Variants in EFHB observed in about 807,000 individuals in gnomAD.
The protein encoded by EFHB is EF-hand domain-containing family member B.
Under a neutral mutation model 87.2 loss-of-function variants are expected in EFHB, and 91 were observed. The ratio of observed to expected loss-of-function variants is 1.04; its 90% CI spans 0.88 to 1.24. EFHB has a LOEUF of 1.24. EFHB is among the 50% of genes most tolerant of loss of function. EFHB has a pLI of 0.00. For synonymous variants in EFHB, 325 were observed against 333.6 expected, an observed-to-expected ratio of 0.97 and a Z score of 0.28; for missense variants, 1,084 against 998.8, an observed-to-expected ratio of 1.09 and a Z score of -1.15.
At position 19,884,449 on chromosome 3, in the gene EFHB, TG is replaced by T. The variant is rs2071762445; in HGVS notation, c.2099del (p.Thr700LysfsTer10). The T allele has an allele frequency of 1.2e-6, 2 of 1,613,920 alleles. No homozygotes were observed. The highest frequency in any genetic ancestry group is 1.7e-6 in the Non-Finnish European group (2 of 1,179,870). ...PSDKVSNYYK[T>X]TSSEINAIVG... is the part of the protein sequence containing the mutation. ...CAATTGCATTGATCTCAGAAGAAGT[TG>T]TCTTATAGTAGTTGGAAACTTTATC... On this transcript the variant is annotated frameshift_variant, in exon 11 of 13. Transcript: ENST00000295824. LOFTEE classifies it high-confidence loss of function.
At chr3:19,925,139 G>A (rs1248248040) in intron 1 of EFHB, among the ~76,000 whole-genome samples, 1 of 151,858 alleles carries the variant, frequency 6.6e-6, no homozygotes, top group Non-Finnish European at 1.5e-5. Flanking sequence ...CTACCCGGGA[G>A]GCTGAGGCAG....
intron 1 of EFHB, among the ~76,000 whole-genome samples, chr3:19,946,625 T>C (rs1696289415): frequency 2.0e-5 from 3 of 152,072 alleles, no homozygotes; most frequent in African/African-American, 4.8e-5. Context: ...GTAAATGCGA[T>C]TTAGCAGCCT....
intron 5 of EFHB, among the ~76,000 whole-genome samples, chr3:19,910,202 C>A (rs143984724): frequency 7.2e-5 from 11 of 152,114 alleles, no homozygotes; most frequent in Non-Finnish European, 1.2e-4. Context: ...ATTTCTAGAC[C>A]TGCTCTGGGC....
chr3:19,935,035 C>T (rs1052374912), upstream of EFHB, among the ~76,000 whole-genome samples: 2 of 152,056 alleles, frequency 1.3e-5, no homozygotes, highest in Non-Finnish European at 2.9e-5. Flanking sequence ...CTCAGCCTTC[C>T]GGGTAGCTGG....
At chr3:19,939,370 C>CTTTTTTTTTTTTTTTTT (rs147510880) in intron 1 of EFHB, among the ~76,000 whole-genome samples, 1 of 64,582 alleles carries the variant, frequency 1.5e-5, no homozygotes, top group African/African-American at 6.3e-5. Flanking sequence ...GTTGGGTCTC[C>CTTTTTTTTTTTTTTTTT]TTTTTTTTTT....
At chr3:19,940,611 C>G in intron 1 of EFHB, 1 of 468,798 alleles carries the variant, frequency 2.1e-6, no homozygotes, top group Non-Finnish European at 4.3e-6. Context: ...CAGCTTTGTA[C>G]TATTCAGCCT....
At chr3:19,920,378 C>A in intron 2 of EFHB, 127 bp downstream of exon 2, 2 of 780,124 alleles carry the variant, frequency 2.6e-6, no homozygotes, top group South Asian at 1.8e-5. Flanking sequence ...CCTCAAAATA[C>A]AGCAAAGAAT....
chr3:19,881,041 G>A (rs144476159), intron 12 of EFHB, among the ~76,000 whole-genome samples: 19 of 152,292 alleles, frequency 1.2e-4, no homozygotes, highest in Admixed American at 3.9e-4. Flanking sequence ...GTACCCTTGT[G>A]GGAAATTAGT....
intron 5 of EFHB, among the ~76,000 whole-genome samples, chr3:19,907,866 T>C (rs1461578592): frequency 6.6e-6 from 1 of 152,176 alleles, no homozygotes; most frequent in African/African-American, 2.4e-5. Flanking sequence ...GAAATTATAA[T>C]TGTCTCTTAG....
At chr3:19,920,812 A>G (rs191856968) in intron 1 of EFHB, among the ~76,000 whole-genome samples, 45 of 152,356 alleles carry the variant, frequency 3.0e-4, no homozygotes, top group African/African-American at 9.6e-4. Flanking sequence ...TAACATTGTT[A>G]GTGATTCATC....
upstream of EFHB, among the ~76,000 whole-genome samples, chr3:19,934,432 G>T (rs1292380689): frequency 6.6e-5 from 3 of 45,470 alleles, no homozygotes; most frequent in East Asian, 3.4e-4. Context: ...CCTCTCCTTT[G>T]CCCTCTCCCT....
At position 19,888,562 on chromosome 3, in the gene EFHB, T is replaced by G. The variant is rs113536030; in HGVS notation, c.1815A>C (p.Leu605=). The stretch of plus-strand genomic sequence containing the variant: ...CATTATCCACATCACAGTAGTCAAA[T>G]AGCTGGTCCAGGAGCTTGTCATCTA... ...LSLDDKLLDQ[L]FDYCDVDNDG... Residue 605 remains leucine (L), a synonymous_variant, in exon 10 of 13, where the codon CTA becomes CTC. Coordinates refer to ENST00000295824, the MANE Select transcript of EFHB (RefSeq NM_144715.4). 1 of 1,599,984 alleles carries G rather than the reference T, an allele frequency of 6.3e-7. No individual in the cohort carries two copies.
rs796662281 is a variant in EFHB, at chr3:19,933,966, T to C, written c.53A>G (p.Lys18Arg). Residue 18 changes from lysine (K) to arginine (R), a missense_variant, in exon 1 of 13, where the codon AAG becomes AGG. Lys to Arg is a conservative substitution (Grantham distance 26). Coordinates refer to ENST00000295824, the MANE Select transcript of EFHB (RefSeq NM_144715.4). ...PHEGKDDLGD[K>R]RVIMGTKFPM... ...AAATTTTGTTCCCATGATGACCCTC[T>C]TGTCTCCTAAATCATCCTTTCCTTC... is the stretch of plus-strand genomic sequence containing the variant. The C allele has an allele frequency of 3.1e-6, 5 of 1,613,172 alleles. No individual in the cohort carries two copies. In the African/African-American group the frequency reaches 4.0e-5, roughly 13 times the overall value.
intron 1 of EFHB, among the ~76,000 whole-genome samples, chr3:19,940,021 C>T (rs1227581090): frequency 1.3e-5 from 2 of 152,220 alleles, no homozygotes; most frequent in African/African-American, 4.8e-5. Flanking sequence ...CCACCTTCCT[C>T]ATGAAGACTA....
chr3:19,937,927 C>T (rs2125170771), upstream of EFHB, among the ~76,000 whole-genome samples: 1 of 152,272 alleles, frequency 6.6e-6, no homozygotes, highest in South Asian at 2.1e-4. Flanking sequence ...CTGTTAGCTC[C>T]TGCGGCCTGA....
chr3:19,892,889 T>TAAAATAAG (rs79080019), intron 9 of EFHB, among the ~76,000 whole-genome samples: 2,436 of 147,882 alleles, frequency 0.016, 78 homozygotes, highest in African/African-American at 0.057. Flanking sequence ...AATAAAATAA[T>TAAAATAAG]ATAAAATCAG....
intron 1 of EFHB, 21 bp downstream of exon 1, chr3:19,933,209 G>A (rs1432861390): frequency 7.5e-6 from 12 of 1,601,802 alleles, no homozygotes; most frequent in African/African-American, 1.3e-5. Flanking sequence ...TAGTTCCTAT[G>A]GAAAGTGGAA....
intron 5 of EFHB, among the ~76,000 whole-genome samples, chr3:19,909,304 G>C (rs1272655302): frequency 6.6e-6 from 1 of 152,086 alleles, no homozygotes; most frequent in East Asian, 1.9e-4. Flanking sequence ...GTGCTTTCCT[G>C]TTAGAGCAGA....
At chr3:19,934,348 C>G (rs1695952627), upstream of EFHB, 20 of 939,408 alleles carry the variant, frequency 2.1e-5, no homozygotes, top group Non-Finnish European at 2.6e-5. Context: ...TCTCTCTCCT[C>G]TGTCTCTCTC....
Sources: gnomAD v4.1 joint callset for allele counts (sites outside exome capture counted in the v4.1 genomes callset) on GRCh38, gnomAD v4.1.1 for gene constraint, MANE v1.5 for transcripts, NCBI Gene and HGNC (gene_info 2026-07-23, HGNC 2026-07-21) for gene names.